The following PPM1H variants were observed in gnomAD, a reference collection of about 807,000 sequenced individuals.
The protein encoded by PPM1H is protein phosphatase 1H.
Under a neutral mutation model 54.9 loss-of-function variants are expected in PPM1H, and 27 were observed. That is an observed-to-expected ratio of 0.49 (90% CI 0.36 to 0.68). The LOEUF (loss-of-function observed/expected upper bound fraction) is 0.68, where lower values mean the gene tolerates loss of function less well. Among genes scored for constraint, PPM1H ranks in the 30% least tolerant of loss-of-function variants. The pLI is 0.00. For missense variants in PPM1H, 596 were observed against 667.8 expected (o/e 0.89, Z 1.19); for synonymous variants, 305 against 270.8 (o/e 1.13, Z -1.24).
chr12:62,662,328 T>C (rs993225006), intron 9 of PPM1H, among the ~76,000 whole-genome samples: 15 of 152,316 alleles, frequency 9.8e-5, no homozygotes, highest in Admixed American at 9.8e-4. Context: ...ATACATAACA[T>C]GAAACTTGAA....
At chr12:62,695,633 G>C (rs973028697) in intron 6 of PPM1H, among the ~76,000 whole-genome samples, 2 of 83,738 alleles carry the variant, frequency 2.4e-5, no homozygotes, top group African/African-American at 4.7e-5. Flanking sequence ...TATGAGTTTG[G>C]GGGGGGAACA....
intron 1 of PPM1H, among the ~76,000 whole-genome samples, chr12:62,890,717 T>TAC (rs5798665): frequency 0.015 from 2,150 of 143,256 alleles, 37 homozygotes; most frequent in East Asian, 0.096. Context: ...TGTGTGTGTA[T>TAC]ACACACACAC....
At chr12:62,769,297 T>C (rs948490079) in intron 4 of PPM1H, among the ~76,000 whole-genome samples, 2 of 152,138 alleles carry the variant, frequency 1.3e-5, no homozygotes, top group Admixed American at 6.5e-5. Context: ...AGAGTCCACA[T>C]TCAGAAAAGG....
intron 1 of PPM1H, among the ~76,000 whole-genome samples, chr12:62,858,423 G>C (rs1869473678): frequency 6.6e-6 from 1 of 151,568 alleles, no homozygotes; most frequent in South Asian, 2.1e-4. Flanking sequence ...GCCCTGCCAA[G>C]TGTAACTGCA....
chr12:62,738,074 T>C (rs1171931353), intron 4 of PPM1H, among the ~76,000 whole-genome samples: 3 of 152,180 alleles, frequency 2.0e-5, no homozygotes, highest in African/African-American at 7.2e-5. Flanking sequence ...TTTCGTTTTA[T>C]TGAAGTTTAA....
At chr12:62,751,295 C>T (rs919043910) in intron 4 of PPM1H, among the ~76,000 whole-genome samples, 3 of 152,142 alleles carry the variant, frequency 2.0e-5, no homozygotes, top group Non-Finnish European at 2.9e-5. Flanking sequence ...GACGGAACAA[C>T]TGAGCAGGGT....
chr12:62,857,210 A>G (rs1440725557), intron 1 of PPM1H, among the ~76,000 whole-genome samples: 1 of 140,922 alleles, frequency 7.1e-6, no homozygotes, highest in Non-Finnish European at 1.5e-5. Flanking sequence ...CAAAGACAGC[A>G]CTCAAATATT....
intron 2 of PPM1H, among the ~76,000 whole-genome samples, chr12:62,829,733 C>T (rs1868330214): frequency 6.6e-6 from 1 of 152,194 alleles, no homozygotes; most frequent in Admixed American, 6.5e-5. Context: ...AGTGCTTATG[C>T]ACCAGTTTCA....
chr12:62,928,319 A>G (rs1435709809), intron 1 of PPM1H, among the ~76,000 whole-genome samples: 1 of 152,216 alleles, frequency 6.6e-6, no homozygotes, highest in Non-Finnish European at 1.5e-5. Context: ...AAAACCACTT[A>G]TCTAAAAAAA....
intron 3 of PPM1H, among the ~76,000 whole-genome samples, chr12:62,796,727 T>G (rs1013916660): frequency 1.3e-5 from 2 of 152,170 alleles, no homozygotes; most frequent in African/African-American, 4.8e-5. Context: ...CCTTCAGCCC[T>G]TCTCCCCTCT....
At chr12:62,744,331 C>T (rs977112702) in intron 4 of PPM1H, among the ~76,000 whole-genome samples, 15 of 151,712 alleles carry the variant, frequency 9.9e-5, no homozygotes, top group African/African-American at 2.9e-4. Context: ...ATTAGCTGGG[C>T]GTGGTGGTGG....
intron 1 of PPM1H, among the ~76,000 whole-genome samples, chr12:62,837,093 A>T (rs1868525246): frequency 6.6e-6 from 1 of 152,212 alleles, no homozygotes; most frequent in Non-Finnish European, 1.5e-5. Context: ...TGATACACAC[A>T]CTTGGAAAAC....
intron 5 of PPM1H, among the ~76,000 whole-genome samples, chr12:62,733,263 C>T (rs1349244570): frequency 6.6e-6 from 1 of 152,076 alleles, no homozygotes; most frequent in South Asian, 2.1e-4. Flanking sequence ...CTCCACCCCC[C>T]TCCCTGCCAA....
At chr12:62,852,127 G>A (rs1040629053) in intron 1 of PPM1H, among the ~76,000 whole-genome samples, 3 of 151,380 alleles carry the variant, frequency 2.0e-5, no homozygotes, top group African/African-American at 7.3e-5. Context: ...TATTCAGGAG[G>A]CTGAGGCAGG....
intron 4 of PPM1H, among the ~76,000 whole-genome samples, chr12:62,741,007 G>A (rs2076378553): frequency 6.6e-6 from 1 of 152,182 alleles, no homozygotes; most frequent in Admixed American, 6.5e-5. Flanking sequence ...ACAGCCAACT[G>A]CCAACGGATA....
At chr12:62,743,975 TCCA>T (rs2076396097) in intron 4 of PPM1H, among the ~76,000 whole-genome samples, 1 of 151,990 alleles carries the variant, frequency 6.6e-6, no homozygotes, top group South Asian at 2.1e-4. Flanking sequence ...TAATTACATA[TCCA>T]ATGGTTCAGT....
At chr12:62,756,665 G>A (rs2076478133) in intron 4 of PPM1H, among the ~76,000 whole-genome samples, 1 of 151,984 alleles carries the variant, frequency 6.6e-6, no homozygotes, top group Non-Finnish European at 1.5e-5. Flanking sequence ...CTGAAAAGGT[G>A]AAGAGTACTT....
At chr12:62,694,258 G>A (rs2076101183) in intron 6 of PPM1H, among the ~76,000 whole-genome samples, 1 of 152,148 alleles carries the variant, frequency 6.6e-6, no homozygotes, top group African/African-American at 2.4e-5. Context: ...AAGGGGAGAT[G>A]GGTTTCTGGC....
At chr12:62,655,487 A>G (rs1002296430) in intron 9 of PPM1H, among the ~76,000 whole-genome samples, 2 of 152,242 alleles carry the variant, frequency 1.3e-5, no homozygotes, top group Non-Finnish European at 2.9e-5. Flanking sequence ...AGGTGGTATT[A>G]AAACAGGAAG....
Sources: gnomAD v4.1 joint callset for allele counts (sites outside exome capture counted in the v4.1 genomes callset) on GRCh38, gnomAD v4.1.1 for gene constraint, MANE v1.5 for transcripts, NCBI Gene and HGNC (gene_info 2026-07-23, HGNC 2026-07-21) for gene names.